The following SLIT3 variants were observed in gnomAD, a reference collection of about 807,000 sequenced individuals.
The protein encoded by SLIT3 is slit homolog 3 protein.
SLIT3 carries 68 observed loss-of-function variants against 184.0 expected under a neutral mutation model. The ratio of observed to expected loss-of-function variants is 0.37; its 90% CI spans 0.30 to 0.45. The LOEUF (loss-of-function observed/expected upper bound fraction) is 0.45. SLIT3 is among the 20% of genes least tolerant of loss of function. The probability of loss-of-function intolerance (pLI) is 1.00; values close to 1 mark genes in which losing one functional copy is unlikely to be tolerated. For synonymous variants in SLIT3, 831 were observed against 828.6 expected (o/e 1.00, Z -0.05); for missense variants, 1,707 against 2,026.0 (o/e 0.84, Z 3.02).
At chr5:169,194,486 C>T (rs1456747802) in intron 3 of SLIT3, among the ~76,000 whole-genome samples, 3 of 151,952 alleles carry the variant, frequency 2.0e-5, no homozygotes, top group Non-Finnish European at 4.4e-5. Flanking sequence ...TTGTGGGCTG[C>T]TTTCTACATC....
At chr5:169,106,749 T>A (rs1443540936) in intron 4 of SLIT3, among the ~76,000 whole-genome samples, 3 of 152,202 alleles carry the variant, frequency 2.0e-5, no homozygotes, top group Non-Finnish European at 4.4e-5. Flanking sequence ...ACTAACTTCA[T>A]TTCTAGGTCA....
chr5:168,707,912 C>T (rs1175119657), intron 26 of SLIT3, 64 bp downstream of exon 26: 6 of 1,602,972 alleles, frequency 3.7e-6, no homozygotes, highest in South Asian at 2.2e-5. Flanking sequence ...GTGCCCCTCT[C>T]TAGGGCCAGG....
At chr5:169,189,561 T>TGC (rs373488897) in intron 4 of SLIT3, among the ~76,000 whole-genome samples, 1 of 82,196 alleles carries the variant, frequency 1.2e-5, no homozygotes, top group African/African-American at 5.0e-5. Context: ...TATATATATA[T>TGC]ATATATATAT....
At position 168,712,287 on chromosome 5, in the gene SLIT3, G is replaced by A; in HGVS notation, c.2551C>T (p.His851Tyr). ...GSFNDLTSLS[H>Y]LALGTNPLHC... Reference sequence around the variant, plus strand: ...GGGAGAAACACTGCTACTTACAGATGGGAAAGAGATGTGAGGTCGTTGAAG... The same window carrying A: ...GGGAGAAACACTGCTACTTACAGATAGGAAAGAGATGTGAGGTCGTTGAAG... Residue 851 changes from histidine to tyrosine, a missense_variant, in exon 24 of 36, where the codon CAT becomes TAT. Physicochemically the swap from His to Tyr is moderately conservative, Grantham distance 83 (BLOSUM62 2). Transcript: ENST00000519560. The A allele has an allele frequency of 6.2e-7, 1 of 1,613,204 alleles. No homozygotes were observed.
At chr5:168,898,743 G>A (rs950439822) in intron 4 of SLIT3, among the ~76,000 whole-genome samples, 3 of 152,126 alleles carry the variant, frequency 2.0e-5, no homozygotes, top group South Asian at 2.1e-4. Flanking sequence ...GCTTGGCTTT[G>A]TAAGAGTCTT....
At chr5:168,774,937 C>G (rs539729026) in intron 12 of SLIT3, among the ~76,000 whole-genome samples, 1 of 152,142 alleles carries the variant, frequency 6.6e-6, no homozygotes, top group Non-Finnish European at 1.5e-5. Context: ...TGCACACCCA[C>G]AGAGAGCACA....
At chr5:169,099,403 C>T (rs1759922251) in intron 4 of SLIT3, among the ~76,000 whole-genome samples, 1 of 152,176 alleles carries the variant, frequency 6.6e-6, no homozygotes, top group Non-Finnish European at 1.5e-5. Flanking sequence ...TCAATGAACA[C>T]TTCCTTCCTC....
chr5:169,083,669 G>C (rs563809239), intron 4 of SLIT3, among the ~76,000 whole-genome samples: 1 of 152,272 alleles, frequency 6.6e-6, no homozygotes, highest in East Asian at 1.9e-4. Context: ...GACCAAACAC[G>C]GTCAGGGCTG....
At chr5:169,053,670 A>G (rs1757888358) in intron 4 of SLIT3, among the ~76,000 whole-genome samples, 1 of 151,708 alleles carries the variant, frequency 6.6e-6, no homozygotes. Context: ...ACTGAATCCA[A>G]CTCTATTCAA....
At chr5:169,234,604 A>G (rs1765129503) in intron 3 of SLIT3, among the ~76,000 whole-genome samples, 1 of 151,942 alleles carries the variant, frequency 6.6e-6, no homozygotes, top group South Asian at 2.1e-4. Flanking sequence ...ACGAGGTTTC[A>G]TCGAGGTTGG....
chr5:168,737,865 G>A (rs559252489), intron 20 of SLIT3, among the ~76,000 whole-genome samples: 84 of 152,322 alleles, frequency 5.5e-4, no homozygotes, highest in African/African-American at 2.0e-3. Context: ...AGGTAAGCAT[G>A]AATTTAAAAG....
intron 10 of SLIT3, 52 bp from the exon 11 acceptor site, chr5:168,789,683 G>C (rs745418320): frequency 7.4e-7 from 1 of 1,344,300 alleles, no homozygotes; most frequent in Admixed American, 1.7e-5. Flanking sequence ...GTGCGATAAC[G>C]GTCACTCCTA....
intron 35 of SLIT3, among the ~76,000 whole-genome samples, chr5:168,667,416 G>T (rs765381602): frequency 3.0e-4 from 45 of 152,340 alleles, no homozygotes; most frequent in Non-Finnish European, 4.7e-4. Context: ...CAGGGGCCAG[G>T]GAGGCTTCTC....
chr5:169,167,331 G>C (rs1762672108), intron 4 of SLIT3, among the ~76,000 whole-genome samples: 1 of 134,278 alleles, frequency 7.4e-6, no homozygotes, highest in African/African-American at 2.9e-5. Flanking sequence ...CTGGAGTGCA[G>C]TGGTGCGATC....
intron 4 of SLIT3, among the ~76,000 whole-genome samples, chr5:169,183,759 T>C (rs536750480): frequency 6.6e-6 from 1 of 152,206 alleles, no homozygotes; most frequent in Non-Finnish European, 1.5e-5. Context: ...AAGAAACTCA[T>C]TTTGTGGGAT....
At chr5:168,739,312 A>C (rs907801782) in intron 20 of SLIT3, among the ~76,000 whole-genome samples, 3 of 152,206 alleles carry the variant, frequency 2.0e-5, no homozygotes, top group African/African-American at 7.2e-5. Flanking sequence ...TCCACACTAC[A>C]ACTAGCCTTT....
intron 28 of SLIT3, among the ~76,000 whole-genome samples, chr5:168,695,328 G>A (rs769830438): frequency 2.0e-5 from 3 of 152,178 alleles, no homozygotes; most frequent in Non-Finnish European, 1.5e-5. Flanking sequence ...AATAGTGTTC[G>A]AGGATGGGGA....
At chr5:169,073,693 C>T (rs376117309) in intron 4 of SLIT3, among the ~76,000 whole-genome samples, 9 of 151,840 alleles carry the variant, frequency 5.9e-5, no homozygotes, top group African/African-American at 2.2e-4. Flanking sequence ...TGAGAGCTGG[C>T]GGTTTAAAAG....
At chr5:169,209,558 T>A (rs1764187496) in intron 3 of SLIT3, among the ~76,000 whole-genome samples, 1 of 152,166 alleles carries the variant, frequency 6.6e-6, no homozygotes, top group South Asian at 2.1e-4. Flanking sequence ...TGCCCATCAA[T>A]GGTACACTGG....
Sources: allele counts gnomAD v4.1 joint callset (sites outside exome capture counted in the v4.1 genomes callset), GRCh38; gene constraint gnomAD v4.1.1; transcripts MANE v1.5; gene names NCBI Gene and HGNC (gene_info 2026-07-23, HGNC 2026-07-21).